The following LRRTM4 variants were observed in gnomAD, a reference collection of about 807,000 sequenced individuals.
LRRTM4 encodes the protein leucine rich repeat transmembrane neuronal 4.
A neutral mutation model predicts 47.6 loss-of-function variants in LRRTM4; 25 were observed. That is an observed-to-expected ratio of 0.53 (90% CI 0.38 to 0.73). The LOEUF is 0.73. Ranked by LOEUF, LRRTM4 falls within the 30% of genes least tolerant of loss-of-function variation. The pLI, the probability that LRRTM4 is intolerant of heterozygous loss-of-function variation, is 0.00. For missense variants in LRRTM4, 638 were observed against 713.4 expected (o/e 0.89, Z 1.20); for synonymous variants, 311 against 269.5 (o/e 1.15, Z -1.51).
At chr2:76,799,729 A>C (rs1239129836) in intron 3 of LRRTM4, among the ~76,000 whole-genome samples, 10 of 134,338 alleles carry the variant, frequency 7.4e-5, no homozygotes, top group Admixed American at 3.7e-4. Flanking sequence ...AAATCTCCTT[A>C]AGCTGATAAG....
intron 3 of LRRTM4, among the ~76,000 whole-genome samples, chr2:77,493,110 C>T (rs6713282): frequency 2.6e-5 from 4 of 151,870 alleles, no homozygotes; most frequent in Middle Eastern, 3.4e-3. Flanking sequence ...ATCAGTGATC[C>T]GAAACATACT....
intron 3 of LRRTM4, among the ~76,000 whole-genome samples, chr2:76,974,157 T>TATATATATATACATAC (rs1306981574): frequency 1.2e-5 from 1 of 82,244 alleles, no homozygotes; most frequent in African/African-American, 8.1e-5. Flanking sequence ...TATACATACA[T>TATATATATATACATAC]ATATATATAT....
intron 3 of LRRTM4, among the ~76,000 whole-genome samples, chr2:76,866,330 C>A (rs1344762587): frequency 6.6e-6 from 1 of 152,168 alleles, no homozygotes; most frequent in Non-Finnish European, 1.5e-5. Context: ...CTACATGAAA[C>A]AATTATGATG....
chr2:76,941,257 T>A (rs1236483936), intron 3 of LRRTM4, among the ~76,000 whole-genome samples: 1 of 152,150 alleles, frequency 6.6e-6, no homozygotes, highest in Non-Finnish European at 1.5e-5. Context: ...ATATATTGAG[T>A]CATATTTGAT....
intron 3 of LRRTM4, among the ~76,000 whole-genome samples, chr2:77,003,241 TTTATAA>T (rs1677502227): frequency 6.6e-6 from 1 of 151,928 alleles, no homozygotes; most frequent in Admixed American, 6.6e-5. Context: ...TTAAGCTTTT[TTTATAA>T]TTATAGATTC....
chr2:76,755,578 A>G (rs1173009147), intron 3 of LRRTM4, among the ~76,000 whole-genome samples: 4 of 152,198 alleles, frequency 2.6e-5, no homozygotes, highest in Admixed American at 2.6e-4. Context: ...AGCTATAGAA[A>G]AAACTGGAGA....
At chr2:77,079,715 A>G (rs1443008781) in intron 3 of LRRTM4, among the ~76,000 whole-genome samples, 1 of 152,130 alleles carries the variant, frequency 6.6e-6, no homozygotes, top group Non-Finnish European at 1.5e-5. Context: ...TCCTGTTTCT[A>G]TGAAGCTTGA....
At chr2:77,199,159 C>T (rs1673908875) in intron 3 of LRRTM4, among the ~76,000 whole-genome samples, 2 of 152,078 alleles carry the variant, frequency 1.3e-5, no homozygotes, top group Non-Finnish European at 2.9e-5. Flanking sequence ...ATAAATTGTT[C>T]TCTGAACACA....
At chr2:77,448,189 T>A (rs969771058) in intron 3 of LRRTM4, among the ~76,000 whole-genome samples, 10 of 152,176 alleles carry the variant, frequency 6.6e-5, no homozygotes, top group Non-Finnish European at 1.5e-4. Flanking sequence ...TTGTCACTGT[T>A]GGTAAGATTT....
chr2:76,805,989 T>C (rs1675945508), intron 3 of LRRTM4, among the ~76,000 whole-genome samples: 2 of 152,174 alleles, frequency 1.3e-5, no homozygotes, highest in Admixed American at 1.3e-4. Flanking sequence ...AGGCTTACAG[T>C]TCCAGGGGTT....
At chr2:77,382,987 G>A (rs774782702) in intron 3 of LRRTM4, among the ~76,000 whole-genome samples, 7 of 151,938 alleles carry the variant, frequency 4.6e-5, no homozygotes, top group African/African-American at 1.2e-4. Flanking sequence ...AGCTGCTGGC[G>A]TTTTCCATTT....
At chr2:76,869,909 T>C (rs1180365723) in intron 3 of LRRTM4, among the ~76,000 whole-genome samples, 1 of 152,200 alleles carries the variant, frequency 6.6e-6, no homozygotes, top group East Asian at 1.9e-4. Flanking sequence ...TACATTTGCT[T>C]TCTTGAAATA....
chr2:76,906,560 TAA>T (rs1314205724), intron 3 of LRRTM4, among the ~76,000 whole-genome samples: 2 of 152,072 alleles, frequency 1.3e-5, no homozygotes, highest in African/African-American at 4.8e-5. Context: ...GCAAATTGGA[TAA>T]AGAGTCAAGA....
At chr2:76,972,335 T>C (rs1359438541) in intron 3 of LRRTM4, among the ~76,000 whole-genome samples, 1 of 151,282 alleles carries the variant, frequency 6.6e-6, no homozygotes, top group Non-Finnish European at 1.5e-5. Flanking sequence ...AGCTCCTTAA[T>C]AAAAGTACTT....
Position 77,021,261 on chromosome 2 carries a change from G to A in LRRTM4, c.1552-272345C>T, listed in dbSNP as rs145865657. ...ATAACAAGACCACGAACTTGAAGAC[G>A]AATGCTAGGAACTTGTAAGATGTTG... On this transcript the variant is annotated intron_variant, in intron 3 of 3. Coordinates refer to ENST00000409884, the MANE Select transcript of LRRTM4 (RefSeq NM_001134745.3). 5.6e-3 allele frequency among the ~76,000 whole-genome samples: 855 copies of A among 152,122 alleles called. 4 individuals are homozygous for A. Among genetic ancestry groups the A allele is most frequent in the Middle Eastern group, 0.017 (5 of 294 alleles).
chr2:76,996,704 T>C (rs1450257825), intron 3 of LRRTM4, among the ~76,000 whole-genome samples: 3 of 152,154 alleles, frequency 2.0e-5, no homozygotes, highest in Non-Finnish European at 4.4e-5. Context: ...TAATAATCTT[T>C]AGGAGCAAAT....
chr2:76,829,395 T>G (rs1671272560), intron 3 of LRRTM4, among the ~76,000 whole-genome samples: 1 of 152,062 alleles, frequency 6.6e-6, no homozygotes, highest in African/African-American at 2.4e-5. Flanking sequence ...AGGGCTCCCT[T>G]GCCTAAGGAT....
intron 3 of LRRTM4, among the ~76,000 whole-genome samples, chr2:76,885,941 G>C (rs1249689210): frequency 7.9e-5 from 12 of 152,022 alleles, no homozygotes; most frequent in African/African-American, 2.9e-4. Context: ...AAATGGCTTG[G>C]AAGAATAAAT....
chr2:77,024,434 G>C (rs1678380120), intron 3 of LRRTM4, among the ~76,000 whole-genome samples: 1 of 149,812 alleles, frequency 6.7e-6, no homozygotes, highest in Non-Finnish European at 1.5e-5. Context: ...TATTATGGCT[G>C]AATAATATTC....
Sources: gnomAD v4.1 joint callset for allele counts (sites outside exome capture counted in the v4.1 genomes callset) on GRCh38, gnomAD v4.1.1 for gene constraint, MANE v1.5 for transcripts, NCBI Gene and HGNC (gene_info 2026-07-23, HGNC 2026-07-21) for gene names.